Variants in POLR1C observed in about 807,000 individuals in gnomAD.
POLR1C encodes DNA-directed RNA polymerases I and III subunit RPAC1.
In POLR1C, 42 loss-of-function variants were observed where a neutral mutation model predicts 38.3. That is an observed-to-expected ratio of 1.10 (90% CI 0.86 to 1.42). POLR1C has a LOEUF of 1.42. POLR1C is among the 40% of genes most tolerant of loss of function. POLR1C has a pLI of 0.00. For missense variants in POLR1C, 507 were observed against 450.5 expected (o/e 1.13, Z -1.14); for synonymous variants, 163 against 163.9 (o/e 0.99, Z 0.04).
chr6:43,556,118 T>C (rs1388341706), intron 10 of POLR1C: 2 of 996,532 alleles, frequency 2.0e-6, no homozygotes, highest in Non-Finnish European at 2.8e-6. Context: ...TCAATAAAAC[T>C]TTATTAACGA....
At chr6:43,556,986 G>T (rs1380120302) in intron 10 of POLR1C, among the ~76,000 whole-genome samples, 2 of 152,056 alleles carry the variant, frequency 1.3e-5, no homozygotes, top group African/African-American at 2.4e-5. Context: ...CAATTAGCTG[G>T]GCATGGTGGT....
Position 43,519,352 on chromosome 6 carries a change from T to G in POLR1C, c.161T>G (p.Val54Gly). Residue 54 changes from valine to glycine, a missense_variant, in exon 3 of 9, where the codon GTA (valine) becomes GGA (glycine). Coordinates refer to ENST00000642195, the MANE Select transcript of POLR1C (RefSeq NM_203290.4). ...CTCTAGAATTTCCGTGTGGATGTAG[T>G]ACACATGGATGAAAACTCACTGGAG... Reference protein sequence around the residue: ...RFEKNFRVDVVHMDENSLEFD... With the variant: ...RFEKNFRVDVGHMDENSLEFD... 1 of 1,612,102 alleles carries G rather than the reference T, an allele frequency of 6.2e-7. No individual in the cohort carries two copies. The highest frequency in any genetic ancestry group is 8.5e-7 in the Non-Finnish European group (1 of 1,178,112).
chr6:43,520,857 T>C (rs1793133454), intron 7 of POLR1C, 75 bp from the exon 8 acceptor site: 4 of 1,600,768 alleles, frequency 2.5e-6, no homozygotes, highest in Admixed American at 1.7e-5. Context: ...CCTGGGCTCC[T>C]AAAAGTATAA....
intron 9 of POLR1C, chr6:43,549,663 G>C: frequency 6.8e-7 from 1 of 1,462,546 alleles, no homozygotes; most frequent in Non-Finnish European, 9.3e-7. Flanking sequence ...ATCTCAGTCA[G>C]GGGCAAATTC....
chr6:43,547,005 G>A (rs997642122), intron 9 of POLR1C, among the ~76,000 whole-genome samples: 3 of 152,108 alleles, frequency 2.0e-5, no homozygotes, highest in African/African-American at 7.2e-5. Flanking sequence ...TCTAGGAGCT[G>A]CAGTGACCCA....
rs550470258 is a variant in POLR1C at position 43,535,942 on chromosome 6, G to GTCTT, written c.*4+6584_*4+6585insCTTT. 1.0e-3 allele frequency among the ~76,000 whole-genome samples: 154 copies of GTCTT among 152,174 alleles called. 2 individuals are homozygous for GTCTT. The East Asian group carries it at 0.028, about 28-fold the overall frequency. ...GATCAAGACCAGCCTGGCCAACATG[G>GTCTT]TGAAACCCTGTCTCTACTAAAAATA... is the stretch of plus-strand genomic sequence containing the variant. On this transcript the variant is annotated intron_variant, in intron 9 of 10. Coordinates refer to the POLR1C transcript ENST00000607635.
At chr6:43,532,719 G>T (rs1281139023), downstream of POLR1C, among the ~76,000 whole-genome samples, 41 of 152,180 alleles carry the variant, frequency 2.7e-4, 2 homozygotes, top group Admixed American at 2.6e-3. Context: ...CTCTGAGACT[G>T]GGTTAGGTCT....
At chr6:43,544,955 C>T (rs1218571445) in intron 9 of POLR1C, among the ~76,000 whole-genome samples, 1 of 152,174 alleles carries the variant, frequency 6.6e-6, no homozygotes, top group Non-Finnish European at 1.5e-5. Context: ...TCACTGCAAT[C>T]TCCGCCTCCC....
rs1037389065 is a variant in POLR1C at position 43,526,540 on chromosome 6, A to G, written c.923-2709A>G. 2.2e-5 allele frequency: 19 copies of G among 863,628 alleles called. No homozygotes were observed. The African/African-American group carries it at 3.0e-4, about 14-fold the overall frequency. The allele number at this position is 863,628 out of a possible 1,614,324, so 53.5% of individuals were successfully genotyped here. A position where few individuals can be genotyped will look rare whatever the true frequency, so the allele number is the denominator to read the frequency against. ...TTGGAGGTGGGAGTATGATGGAGGC[A>G]CACAGCAAGAGGGCTGGTCCAGAGA... On this transcript the variant is annotated intron_variant, in intron 8 of 8. Coordinates refer to the POLR1C transcript ENST00000304004.
downstream of POLR1C, chr6:43,523,838 A>G: frequency 6.2e-7 from 1 of 1,613,978 alleles, no homozygotes; most frequent in Non-Finnish European, 8.5e-7. Context: ...ATGACAAGAA[A>G]GGCCGAGGAA....
chr6:43,526,757 G>GA (rs1221351718), intron 8 of POLR1C: 2 of 1,613,264 alleles, frequency 1.2e-6, no homozygotes, highest in African/African-American at 1.3e-5. Flanking sequence ...GCTAAAGCAA[G>GA]AAAGCAGGGT....
At position 43,558,563 on chromosome 6, in the gene POLR1C, G is replaced by A. The variant is rs966890053; in HGVS notation, c.*49-2837G>A. The A allele has an allele frequency of 4.4e-6, 7 of 1,600,224 alleles. No homozygotes were observed. The highest frequency in any genetic ancestry group is 5.1e-6 in the Non-Finnish European group (6 of 1,173,770). On this transcript the variant is annotated intron_variant, in intron 10 of 10. Coordinates refer to the POLR1C transcript ENST00000607635. ...ATCAAACCGAGAATATTCACAGCTA[G>A]GGCTGTCTGTTTTAGAAGGAAAGCC...
intron 8 of POLR1C, chr6:43,528,314 G>C (rs1561864326): frequency 2.6e-6 from 3 of 1,157,150 alleles, no homozygotes; most frequent in Non-Finnish European, 3.8e-6. Flanking sequence ...GATGATTCTA[G>C]GCATCAATGA....
chr6:43,524,548 A>G (rs371413574), downstream of POLR1C: 1 of 1,613,814 alleles, frequency 6.2e-7, no homozygotes, highest in Non-Finnish European at 8.5e-7. Context: ...GAGGGGTTTA[A>G]AAGCTTGCAG....
intron 4 of POLR1C, 58 bp from the exon 5 acceptor site, chr6:43,520,008 G>T (rs776258335): frequency 4.4e-6 from 7 of 1,603,202 alleles, no homozygotes; most frequent in Non-Finnish European, 6.0e-6. Context: ...AAAGCATTCA[G>T]CATAGTGCTG....
intron 9 of POLR1C, among the ~76,000 whole-genome samples, chr6:43,536,475 T>G (rs534200591): frequency 1.3e-5 from 2 of 150,422 alleles, no homozygotes; most frequent in Non-Finnish European, 3.0e-5. Context: ...AAGTTTTACT[T>G]TGGCCAGATG....
At position 43,519,811 on chromosome 6, in the gene POLR1C, C is replaced by G. The variant is rs993300804; in HGVS notation, c.355C>G (p.Pro119Ala). The change falls in exon 4 of 9, where the codon CCC becomes GCC. Residue 119 changes from proline to alanine, a missense_variant. Transcript: ENST00000642195. ...RLGLIPIHAD[P>A]RLFEYRNQGD... ...GGGGCTCATTCCCATTCATGCTGAT[C>G]CCCGTCTTTTTGAGTATCGGAACCA... 6.2e-7 allele frequency: 1 copy of G among 1,614,138 alleles called. No individual in the cohort carries two copies. The highest frequency in any genetic ancestry group is 2.2e-5 in the East Asian group (1 of 44,882).
intron 8 of POLR1C, chr6:43,527,478 T>C: frequency 3.0e-6 from 2 of 668,224 alleles, no homozygotes; most frequent in Non-Finnish European, 5.1e-6. Flanking sequence ...TTCACCATGT[T>C]GGCCAGGATG....
downstream of POLR1C, chr6:43,522,987 T>C: frequency 5.8e-6 from 1 of 172,434 alleles, no homozygotes; most frequent in Admixed American, 6.0e-5. Flanking sequence ...GCACCTGGAC[T>C]TAGTCCTAGG....
Sources: gnomAD v4.1 joint callset for allele counts (sites outside exome capture counted in the v4.1 genomes callset) on GRCh38, gnomAD v4.1.1 for gene constraint, MANE v1.5 for transcripts, NCBI Gene and HGNC (gene_info 2026-07-23, HGNC 2026-07-21) for gene names.